YARS2: variants seen among roughly 807,000 people sequenced by gnomAD.
The protein encoded by YARS2 is tyrosyl-tRNA synthetase 2.
A neutral mutation model predicts 45.0 loss-of-function variants in YARS2; 38 were observed. That is an observed-to-expected ratio of 0.84 (90% CI 0.65 to 1.11). The LOEUF (loss-of-function observed/expected upper bound fraction) is 1.11, where lower values mean the gene tolerates loss of function less well. YARS2 is among the 50% of genes least tolerant of loss of function. YARS2 has a pLI of 0.00. For synonymous variants in YARS2, 287 were observed against 245.1 expected (o/e 1.17, Z -1.60); for missense variants, 602 against 599.8 (o/e 1.00, Z -0.04).
In YARS2 at chr12:32,754,082, C is replaced by T. The variant is rs778397055; in HGVS notation, c.783G>A (p.Leu261=). The change falls in exon 2 of 5, where the codon TTG becomes TTA. Residue 261 remains leucine, a synonymous_variant. Coordinates refer to ENST00000324868, the MANE Select transcript of YARS2 (RefSeq NM_001040436.3). The stretch of plus-strand genomic sequence containing the variant: ...TGATTCCAAATACATCTTCTCCAGT[C>T]AACCTACGCATAAAGAACAATTTCA... ...IMSGYEFINK[L]TGEDVFGITV... is the part of the protein sequence containing the mutation. The T allele has an allele frequency of 3.1e-6, 5 of 1,614,194 alleles. No homozygotes were observed. The Admixed American group carries it at 6.7e-5, about 22-fold the overall frequency.
chr12:32,755,458 G>A lies in YARS2; in HGVS notation c.417C>T (p.Ala139=), dbSNP rs1222554675. The A allele has an allele frequency of 1.6e-5, 26 of 1,612,522 alleles. No individual in the cohort carries two copies. Among genetic ancestry groups the A allele is most frequent in the Non-Finnish European group, 2.0e-5 (24 of 1,179,628 alleles). ...REALETERVR[A]NARALRLGLE... is the part of the protein sequence containing the mutation. ...GCCCTAGGCGCAGAGCTCGCGCGTT[G>A]GCTCGCACGCGCTCTGTCTCCAGCG... Residue 139 remains alanine (A), a synonymous_variant, in exon 1 of 5, where the codon GCC becomes GCT. Transcript: ENST00000324868.
At position 32,750,737 on chromosome 12, in the gene YARS2, CCTT is replaced by C. The variant is rs750595705; in HGVS notation, c.1082_1084del (p.Glu361del). 4.3e-6 allele frequency: 7 copies of C among 1,614,056 alleles called. No homozygotes were observed. The South Asian group carries it at 7.7e-5, about 18-fold the overall frequency. ...CTACTACCTTTTAGCAGAATCCAAT[CCTT>C]CTCGTCCATGAACAAGCTTTGTTAC... On this transcript the variant is annotated inframe_deletion, in exon 3 of 5. Transcript: ENST00000324868.
chr12:32,750,235 T>G, intron 3 of YARS2, 128 bp from the exon 4 acceptor site: 1 of 1,100,712 alleles, frequency 9.1e-7, no homozygotes, highest in South Asian at 1.5e-5. Context: ...GGAGTCTCGC[T>G]CTGTTGCCCC....
At chr12:32,751,906 T>A (rs533796240) in intron 2 of YARS2, among the ~76,000 whole-genome samples, 38 of 152,342 alleles carry the variant, frequency 2.5e-4, no homozygotes, top group African/African-American at 8.9e-4. Flanking sequence ...CAACAGTGGT[T>A]CATAACATTA....
Position 32,755,588 on chromosome 12 carries a change from AGCAGC to A in YARS2, c.282_286del (p.Leu95GlyfsTer53). The A allele has an allele frequency of 4.3e-6, 7 of 1,613,950 alleles. No individual in the cohort carries two copies. Among genetic ancestry groups the A allele is most frequent in the Non-Finnish European group, 5.9e-6 (7 of 1,179,910 alleles). The stretch of plus-strand genomic sequence containing the variant: ...CGCTCGCTGCAAATGAAACAGGCCC[AGCAGC>A]GCAAGTAGATGACCCACATGAAGCG... On this transcript the variant is annotated frameshift_variant, in exon 1 of 5. Coordinates refer to ENST00000324868, the MANE Select transcript of YARS2 (RefSeq NM_001040436.3). LOFTEE classifies it high-confidence loss of function.
chr12:32,747,491 T>TA (rs1955664914), intron 4 of YARS2, 128 bp from the exon 5 acceptor site: 43 of 894,614 alleles, frequency 4.8e-5, no homozygotes, highest in Non-Finnish European at 7.2e-5. Context: ...ACTGGACTGT[T>TA]ACCTTCATGT....
chr12:32,751,521 TA>T (rs892970373), intron 2 of YARS2, among the ~76,000 whole-genome samples: 7 of 151,084 alleles, frequency 4.6e-5, no homozygotes, highest in Non-Finnish European at 7.4e-5. Flanking sequence ...CATGTGGCCA[TA>T]AAAAAAAAGT....
intron 1 of YARS2, 27 bp from the exon 2 acceptor site, chr12:32,754,112 G>C: frequency 6.2e-7 from 1 of 1,613,904 alleles, no homozygotes; most frequent in Non-Finnish European, 8.5e-7. Context: ...ATTTCATTAT[G>C]TGCCTCAAGC....
At chr12:32,748,092 ATGG>A (rs1409963365) in intron 4 of YARS2, among the ~76,000 whole-genome samples, 8 of 152,214 alleles carry the variant, frequency 5.3e-5, no homozygotes, top group Non-Finnish European at 8.8e-5. Context: ...AGAAAGAAAA[ATGG>A]TGGTTTTCTC....
intron 2 of YARS2, among the ~76,000 whole-genome samples, chr12:32,751,489 C>T (rs1275505646): frequency 6.6e-6 from 1 of 152,044 alleles, no homozygotes; most frequent in Non-Finnish European, 1.5e-5. Context: ...CTTTCCCAAG[C>T]ATGTTTTTAT....
intron 1 of YARS2, 67 bp downstream of exon 1, chr12:32,755,029 G>C: frequency 6.3e-7 from 1 of 1,594,026 alleles, no homozygotes; most frequent in Non-Finnish European, 8.6e-7. Flanking sequence ...TCCTAAGAGT[G>C]AATCACAGGC....
chr12:32,755,086 A>G lies in YARS2; in HGVS notation c.779+10T>C, dbSNP rs781425351. 8 of 1,614,172 alleles carry G rather than the reference A, an allele frequency of 5.0e-6. No homozygotes were observed. Among genetic ancestry groups the G allele is most frequent in the Non-Finnish European group, 5.9e-6 (7 of 1,180,030 alleles). ...GTCCCAGGATTTCCCCAAGGTTTAA[A>G]GGCACTTACTTGTTGATGAACTCAT... is the stretch of plus-strand genomic sequence containing the variant. On this transcript the variant is annotated intron_variant, in intron 1 of 4. Coordinates refer to ENST00000324868, the MANE Select transcript of YARS2 (RefSeq NM_001040436.3).
At chr12:32,750,562 C>T (rs1214373367) in intron 3 of YARS2, among the ~76,000 whole-genome samples, 157 bp downstream of exon 3, 1 of 152,178 alleles carries the variant, frequency 6.6e-6, no homozygotes, top group Non-Finnish European at 1.5e-5. Flanking sequence ...CAAGATAATC[C>T]TTCTTTCCAA....
At chr12:32,750,138 A>T (rs1250250689) in intron 3 of YARS2, 31 bp from the exon 4 acceptor site, 1 of 1,611,992 alleles carries the variant, frequency 6.2e-7, no homozygotes, top group Non-Finnish European at 8.5e-7. Flanking sequence ...GCTACATCAT[A>T]TAAATGTTTA....
chr12:32,747,188 C>T lies in YARS2; in HGVS notation c.*16G>A, dbSNP rs1189040270. ...ATGATGGGTAAGTTTATTTGGACAA[C>T]CAGAAGGACTTTTCATCACAACTGA... On this transcript the variant is annotated 3_prime_UTR_variant, in exon 5 of 5. Coordinates refer to ENST00000324868, the MANE Select transcript of YARS2 (RefSeq NM_001040436.3). 5.0e-6 allele frequency: 8 copies of T among 1,611,560 alleles called. No individual in the cohort carries two copies. The highest frequency in any genetic ancestry group is 1.7e-6 in the Non-Finnish European group (2 of 1,179,604).
At position 32,755,332 on chromosome 12, in the gene YARS2, G is replaced by A. The variant is rs545179477; in HGVS notation, c.543C>T (p.His181=). 1 of 1,614,120 alleles carries A rather than the reference G, an allele frequency of 6.2e-7. No individual in the cohort carries two copies. The highest frequency in any genetic ancestry group is 1.7e-5 in the Admixed American group (1 of 60,022). ...LDNSAWYQKQ[H]LVDFLAAVGG... ...CCACTGCCGCCAGGAAGTCCACCAG[G>A]TGCTGCTTCTGGTACCAGGCCGAGT... Residue 181 remains histidine, a synonymous_variant, in exon 1 of 5, where the codon CAC becomes CAT. Coordinates refer to ENST00000324868, the MANE Select transcript of YARS2 (RefSeq NM_001040436.3).
intron 4 of YARS2, among the ~76,000 whole-genome samples, chr12:32,748,720 AG>A (rs1955685847): frequency 6.6e-6 from 1 of 152,252 alleles, no homozygotes; most frequent in African/African-American, 2.4e-5. Context: ...GGTGATGCAA[AG>A]GGAGACAATG....
intron 4 of YARS2, among the ~76,000 whole-genome samples, 170 bp downstream of exon 4, chr12:32,749,767 C>G (rs1408593958): frequency 1.3e-5 from 2 of 151,984 alleles, no homozygotes; most frequent in Non-Finnish European, 2.9e-5. Flanking sequence ...TTAGTAGAGA[C>G]AGGGTTTCAC....
At chr12:32,752,106 G>C (rs952420755) in intron 2 of YARS2, among the ~76,000 whole-genome samples, 1 of 152,194 alleles carries the variant, frequency 6.6e-6, no homozygotes, top group African/African-American at 2.4e-5. Flanking sequence ...GACACTCTAC[G>C]ATATTTGCAA....
Sources: allele counts gnomAD v4.1 joint callset (sites outside exome capture counted in the v4.1 genomes callset), GRCh38; gene constraint gnomAD v4.1.1; transcripts MANE v1.5; gene names NCBI Gene and HGNC (gene_info 2026-07-23, HGNC 2026-07-21).